Variants in NRCAM observed in about 807,000 individuals in gnomAD.
NRCAM encodes the protein neuronal cell adhesion molecule, also known as NgCAM-related cell adhesion molecule.
NRCAM carries 83 observed loss-of-function variants against 156.5 expected under a neutral mutation model. That is an observed-to-expected ratio of 0.53 (90% CI 0.44 to 0.64). The LOEUF is 0.64. Among genes scored for constraint, NRCAM ranks in the 30% least tolerant of loss-of-function variants. NRCAM has a pLI of 0.00. For synonymous variants in NRCAM, 538 were observed against 563.9 expected, an observed-to-expected ratio of 0.95 and a Z score of 0.65; for missense variants, 1,417 against 1,597.3, an observed-to-expected ratio of 0.89 and a Z score of 1.92.
At chr7:108,268,559 T>C (rs964435259) in intron 3 of NRCAM, among the ~76,000 whole-genome samples, 1 of 133,672 alleles carries the variant, frequency 7.5e-6, no homozygotes, top group African/African-American at 2.8e-5. Context: ...GGTGATAGTG[T>C]CTACAATTCC....
rs551716490 is a variant in NRCAM, at chr7:108,432,319, T to A, written c.-332+23924A>T. Among the ~76,000 whole-genome samples the A allele has an allele frequency of 3.3e-5, 5 of 152,332 alleles. No homozygotes were observed. In the South Asian group the frequency reaches 1.0e-3, roughly 32 times the overall value. On this transcript the variant is annotated intron_variant, in intron 1 of 32. Coordinates refer to ENST00000379028, the MANE Select transcript of NRCAM (RefSeq NM_001037132.4). ...TTCCACTGACTCTTCAGAGACAAGA[T>A]TAGAATCCTGTAAATTATGCCAAAT...
chr7:108,449,570 G>C (rs1272408781), intron 1 of NRCAM, among the ~76,000 whole-genome samples: 1 of 152,150 alleles, frequency 6.6e-6, no homozygotes, highest in Non-Finnish European at 1.5e-5. Context: ...AAAACTCTTT[G>C]GACAGGCCAC....
chr7:108,361,514 TCTGA>T (rs2099550768), intron 2 of NRCAM, among the ~76,000 whole-genome samples: 1 of 152,202 alleles, frequency 6.6e-6, no homozygotes, highest in African/African-American at 2.4e-5. Context: ...ATTCTTCCTG[TCTGA>T]CAGTTTTTGA....
chr7:108,211,348 A>G (rs2084245465), intron 11 of NRCAM, among the ~76,000 whole-genome samples: 1 of 152,158 alleles, frequency 6.6e-6, no homozygotes. Context: ...CTCCAGCTGA[A>G]CTTTATAACA....
intron 26 of NRCAM, 71 bp downstream of exon 26, chr7:108,177,919 T>C: frequency 7.0e-7 from 1 of 1,431,108 alleles, no homozygotes; most frequent in Admixed American, 2.0e-5. Flanking sequence ...GGAGGTATAA[T>C]TATTTGTCAA....
intron 2 of NRCAM, among the ~76,000 whole-genome samples, chr7:108,314,998 A>G (rs1198953063): frequency 6.6e-6 from 1 of 151,812 alleles, no homozygotes; most frequent in African/African-American, 2.4e-5. Context: ...CAAGCCTTTG[A>G]TTGCCCCCAC....
chr7:108,217,031 T>G (rs1448883848), intron 11 of NRCAM, among the ~76,000 whole-genome samples: 1 of 151,086 alleles, frequency 6.6e-6, no homozygotes, highest in Non-Finnish European at 1.5e-5. Context: ...TTTGTACTGG[T>G]TTTTCCTCAT....
chr7:108,174,989 C>A (rs2059931668), intron 28 of NRCAM, among the ~76,000 whole-genome samples: 1 of 152,188 alleles, frequency 6.6e-6, no homozygotes, highest in South Asian at 2.1e-4. Context: ...TATTTCTGAA[C>A]CCCAAATAAT....
At chr7:108,407,708 C>A (rs1214066459) in intron 1 of NRCAM, among the ~76,000 whole-genome samples, 1 of 152,208 alleles carries the variant, frequency 6.6e-6, no homozygotes, top group Non-Finnish European at 1.5e-5. Context: ...TGCAGTAGTT[C>A]TCAGCTCTGC....
At chr7:108,158,950 G>A (rs1381346965) in intron 32 of NRCAM, among the ~76,000 whole-genome samples, 2 of 152,112 alleles carry the variant, frequency 1.3e-5, no homozygotes, top group Non-Finnish European at 2.9e-5. Context: ...AGAGGGCTAC[G>A]ACATTTCTTA....
chr7:108,352,933 C>A (rs953680916), intron 2 of NRCAM, among the ~76,000 whole-genome samples: 17 of 152,044 alleles, frequency 1.1e-4, no homozygotes, highest in African/African-American at 3.4e-4. Context: ...GATTATGCCT[C>A]AAAATATATT....
At chr7:108,414,058 G>T (rs1278622402) in intron 1 of NRCAM, among the ~76,000 whole-genome samples, 1 of 152,170 alleles carries the variant, frequency 6.6e-6, no homozygotes. Context: ...ACCCTGCTGT[G>T]GGGTATAGGA....
chr7:108,266,884 G>C (rs1482836305), intron 3 of NRCAM, among the ~76,000 whole-genome samples: 1 of 145,324 alleles, frequency 6.9e-6, no homozygotes, highest in African/African-American at 2.5e-5. Context: ...TCAGTAAGAA[G>C]AAAGAGTCTA....
intron 1 of NRCAM, among the ~76,000 whole-genome samples, chr7:108,405,208 C>T (rs1458455118): frequency 2.6e-5 from 4 of 152,216 alleles, no homozygotes; most frequent in African/African-American, 9.6e-5. Flanking sequence ...TGTGATTTGA[C>T]AGTGGACACC....
At chr7:108,159,380 A>G (rs2047466239) in intron 32 of NRCAM, 83 bp downstream of exon 32, 3 of 1,180,076 alleles carry the variant, frequency 2.5e-6, no homozygotes, top group Non-Finnish European at 3.8e-6. Flanking sequence ...GATGCCAGGC[A>G]GAGCATATTC....
intron 1 of NRCAM, among the ~76,000 whole-genome samples, chr7:108,417,901 G>A (rs970665806): frequency 3.9e-5 from 6 of 152,122 alleles, no homozygotes; most frequent in Non-Finnish European, 8.8e-5. Context: ...TTAACAATTT[G>A]TACACAAAGT....
chr7:108,453,660 A>G (rs1190694273), intron 1 of NRCAM, among the ~76,000 whole-genome samples: 1 of 152,230 alleles, frequency 6.6e-6, no homozygotes, highest in East Asian at 1.9e-4. Context: ...ATGTTTAGCA[A>G]CTTTCCTGTA....
chr7:108,426,302 A>G (rs902443611), intron 1 of NRCAM, among the ~76,000 whole-genome samples: 2 of 152,268 alleles, frequency 1.3e-5, no homozygotes, highest in Admixed American at 1.3e-4. Flanking sequence ...ACATGGGGAC[A>G]ATAAAACATA....
chr7:108,247,428 C>G (rs1445406473), intron 3 of NRCAM, among the ~76,000 whole-genome samples: 2 of 152,030 alleles, frequency 1.3e-5, no homozygotes, highest in Non-Finnish European at 2.9e-5. Context: ...CTAATCTATC[C>G]TTTTTGGTTT....
Sources: gnomAD v4.1 joint callset for allele counts (sites outside exome capture counted in the v4.1 genomes callset) on GRCh38, gnomAD v4.1.1 for gene constraint, MANE v1.5 for transcripts, NCBI Gene and HGNC (gene_info 2026-07-23, HGNC 2026-07-21) for gene names.